The following TENM2 variants were observed in gnomAD, a reference collection of about 807,000 sequenced individuals.
TENM2 encodes teneurin-2.
TENM2 carries 52 observed loss-of-function variants against 245.2 expected under a neutral mutation model. That is an observed-to-expected ratio of 0.21 (90% CI 0.17 to 0.27). The LOEUF is 0.27. TENM2 is among the 10% of genes least tolerant of loss of function. The pLI is 1.00. For synonymous variants in TENM2, 1,363 were observed against 1,438.9 expected (o/e 0.95, Z 1.19); for missense variants, 3,046 against 3,666.8 (o/e 0.83, Z 4.37).
chr5:167,542,972 C>G (rs1432885), intron 2 of TENM2, among the ~76,000 whole-genome samples: 2 of 151,914 alleles, frequency 1.3e-5, no homozygotes, highest in Middle Eastern at 3.2e-3. Context: ...TTCAGTGGAG[C>G]CTGGTTGGTT....
intron 2 of TENM2, among the ~76,000 whole-genome samples, chr5:167,811,612 T>C (rs1364461023): frequency 6.6e-6 from 1 of 152,158 alleles, no homozygotes; most frequent in East Asian, 1.9e-4. Flanking sequence ...ACACCTACTG[T>C]GTGCCAAATA....
At chr5:167,470,774 C>T (rs975557187) in intron 2 of TENM2, among the ~76,000 whole-genome samples, 3 of 151,772 alleles carry the variant, frequency 2.0e-5, no homozygotes, top group East Asian at 1.9e-4. Context: ...GCAACACAAG[C>T]GAGGTAGCCA....
At chr5:168,149,056 A>G (rs1349531737) in intron 12 of TENM2, among the ~76,000 whole-genome samples, 1 of 152,166 alleles carries the variant, frequency 6.6e-6, no homozygotes, top group East Asian at 1.9e-4. Flanking sequence ...TGGGTGGTTC[A>G]AAGAGACCCT....
intron 5 of TENM2, among the ~76,000 whole-genome samples, chr5:168,024,132 G>T (rs1451350385): frequency 6.6e-6 from 1 of 152,052 alleles, no homozygotes; most frequent in Non-Finnish European, 1.5e-5. Context: ...TAATAATTGG[G>T]CTCATCATAC....
At chr5:167,323,661 G>A (rs1756906281) in intron 1 of TENM2, among the ~76,000 whole-genome samples, 1 of 152,132 alleles carries the variant, frequency 6.6e-6, no homozygotes, top group African/African-American at 2.4e-5. Flanking sequence ...AGAAGTATCT[G>A]TGAAAATTTT....
the TENM2 span, among the ~76,000 whole-genome samples, chr5:167,015,874 T>C: frequency 6.6e-6 from 1 of 152,162 alleles, no homozygotes; most frequent in Non-Finnish European, 1.5e-5. Flanking sequence ...TATTTATCTG[T>C]CTCTCTTAAA....
chr5:168,218,814 C>T lies in TENM2; in HGVS notation c.4923C>T (p.Asp1641=), dbSNP rs374675014. 135 of 1,613,992 alleles carry T rather than the reference C, an allele frequency of 8.4e-5. No homozygotes were observed. Among genetic ancestry groups the T allele is most frequent in the Middle Eastern group, 4.9e-4 (3 of 6,062 alleles). The change falls in exon 23 of 29, where the codon GAC becomes GAT. Residue 1641 remains aspartate (D), a synonymous_variant. Coordinates refer to ENST00000518659, the Ensembl canonical transcript of TENM2. The surrounding 1 kb of genome is among the most constrained non-coding windows in gnomAD (Gnocchi z 5.2). ...GGAATTCCCTGAAGATCCGTCGGGA[C>T]AGCAGTGGCATGCCCCGTCACCTGC...
chr5:167,494,588 T>C (rs1226599467), intron 2 of TENM2, among the ~76,000 whole-genome samples: 1 of 151,756 alleles, frequency 6.6e-6, no homozygotes, highest in Non-Finnish European at 1.5e-5. Context: ...GTAGGAGAAA[T>C]AGGAAAAAAA....
chr5:167,763,830 G>T (rs1326932603), intron 2 of TENM2, among the ~76,000 whole-genome samples: 2 of 152,046 alleles, frequency 1.3e-5, no homozygotes, highest in Non-Finnish European at 2.9e-5. Flanking sequence ...AGCTTGACAA[G>T]CATTAATTTA....
intron 2 of TENM2, among the ~76,000 whole-genome samples, chr5:167,674,876 C>G (rs182384036): frequency 6.6e-6 from 1 of 152,100 alleles, no homozygotes; most frequent in Non-Finnish European, 1.5e-5. Flanking sequence ...TAAATGTCTT[C>G]TAGCAAATCA....
chr5:167,098,987 T>G, the TENM2 span, among the ~76,000 whole-genome samples: 1 of 150,320 alleles, frequency 6.7e-6, no homozygotes, highest in South Asian at 2.1e-4. Flanking sequence ...AACAAGTACC[T>G]CAGTTGGTAC....
At chr5:167,639,423 C>T (rs1335122551) in intron 2 of TENM2, among the ~76,000 whole-genome samples, 2 of 152,100 alleles carry the variant, frequency 1.3e-5, no homozygotes, top group African/African-American at 4.8e-5. Context: ...TAAAGAACTC[C>T]GAGTTCTTAT....
chr5:167,119,721 A>G, the TENM2 span: 1 of 152,222 alleles, frequency 6.6e-6, no homozygotes, highest in African/African-American at 2.4e-5. Flanking sequence ...TATTATTTTG[A>G]CACCTGAATT....
the TENM2 span, among the ~76,000 whole-genome samples, chr5:166,996,170 C>T: frequency 1.3e-5 from 2 of 151,878 alleles, no homozygotes; most frequent in African/African-American, 2.4e-5. Flanking sequence ...GGTGAAACCC[C>T]GTCTCTACTA....
chr5:167,918,105 A>G (rs1331780294), intron 3 of TENM2, among the ~76,000 whole-genome samples: 1 of 152,212 alleles, frequency 6.6e-6, no homozygotes, highest in Non-Finnish European at 1.5e-5. Context: ...TGAGAAAAAA[A>G]CACTGCCTGC....
the TENM2 span, among the ~76,000 whole-genome samples, chr5:167,010,659 C>T: frequency 1.3e-5 from 2 of 152,134 alleles, no homozygotes; most frequent in Non-Finnish European, 2.9e-5. Context: ...CTAATAGTTC[C>T]TCCTTTAAAA....
At chr5:167,517,357 G>C (rs1562020262) in intron 2 of TENM2, among the ~76,000 whole-genome samples, 1 of 152,088 alleles carries the variant, frequency 6.6e-6, no homozygotes, top group South Asian at 2.1e-4. Flanking sequence ...TAAAGTTTGG[G>C]CATTTACAAA....
chr5:167,299,748 G>A, intron 1 of TENM2, among the ~76,000 whole-genome samples: 1 of 152,114 alleles, frequency 6.6e-6, no homozygotes, highest in Non-Finnish European at 1.5e-5. Context: ...ACGTCAGGTG[G>A]ATCAGAGAGA....
intron 2 of TENM2, among the ~76,000 whole-genome samples, chr5:167,523,687 TGTAACCA>T (rs1770922262): frequency 6.6e-6 from 1 of 152,160 alleles, no homozygotes; most frequent in African/African-American, 2.4e-5. Flanking sequence ...GAGAGCACTT[TGTAACCA>T]TATTCATTAA....
Sources: allele counts gnomAD v4.1 joint callset (sites outside exome capture counted in the v4.1 genomes callset), GRCh38; gene constraint gnomAD v4.1.1; non-coding constraint Gnocchi (gnomAD v3.1); transcripts MANE v1.5; gene names NCBI Gene and HGNC (gene_info 2026-07-23, HGNC 2026-07-21).